The following SHANK2 variants were observed in gnomAD, a reference collection of about 807,000 sequenced individuals.
SHANK2 encodes the protein SH3 and multiple ankyrin repeat domains 2, also known as SH3 and multiple ankyrin repeat domains protein 2.
A neutral mutation model predicts 133.7 loss-of-function variants in SHANK2; 43 were observed. The observed-to-expected ratio is 0.32, with a 90% CI of 0.25 to 0.41. SHANK2 has a LOEUF of 0.41. SHANK2 is among the 10% of genes least tolerant of loss of function. The pLI is 1.00. For missense variants in SHANK2, 1,994 were observed against 2,235.8 expected (o/e 0.89, Z 2.18); for synonymous variants, 1,017 against 952.8 (o/e 1.07, Z -1.24).
At chr11:71,147,440 T>G (rs1952678253) in intron 2 of SHANK2, 102 bp from the exon 3 acceptor site, 1 of 882,512 alleles carries the variant, frequency 1.1e-6, no homozygotes, top group African/African-American at 1.7e-5. Context: ...GTGGGCTCGG[T>G]TTCACAGTCT....
At chr11:70,753,173 T>TAAAAAAAAAAAAAAA (rs201365664) in intron 14 of SHANK2, among the ~76,000 whole-genome samples, 1 of 121,616 alleles carries the variant, frequency 8.2e-6, no homozygotes. Flanking sequence ...ACAGAACTGT[T>TAAAAAAAAAAAAAAA]AAAAAAAAAA....
intron 12 of SHANK2, among the ~76,000 whole-genome samples, chr11:70,812,044 G>C (rs574006280): frequency 6.6e-6 from 1 of 152,362 alleles, no homozygotes; most frequent in Non-Finnish European, 1.5e-5. Context: ...TCTGCCAGGT[G>C]TTATGCAAAC....
At chr11:70,746,138 T>C (rs1946632212) in intron 14 of SHANK2, among the ~76,000 whole-genome samples, 1 of 152,216 alleles carries the variant, frequency 6.6e-6, no homozygotes, top group Admixed American at 6.5e-5. Flanking sequence ...AAGGTGACTC[T>C]GACACGGTCC....
intron 13 of SHANK2, among the ~76,000 whole-genome samples, chr11:70,805,525 C>T (rs1438107966): frequency 6.6e-6 from 1 of 152,234 alleles, no homozygotes; most frequent in African/African-American, 2.4e-5. Context: ...TGTCACCCGA[C>T]ATCTCAGGGC....
chr11:70,934,229 C>T (rs1205586603), intron 10 of SHANK2, among the ~76,000 whole-genome samples: 28 of 134,296 alleles, frequency 2.1e-4, no homozygotes, highest in African/African-American at 8.0e-4. Context: ...GGGACTGTGT[C>T]TCAACAACAA....
rs1266907449 is a variant in SHANK2, at chr11:70,662,113, G to T, written c.1854-435C>A. 3 of 397,218 alleles carry T rather than the reference G, an allele frequency of 7.6e-6. No homozygotes were observed. In the South Asian group the frequency reaches 7.8e-5, roughly 10 times the overall value. The allele number at this position is 397,218 out of a possible 1,614,324, so 24.6% of individuals were successfully genotyped here. Reference sequence around the variant, plus strand: ...CTCCTCCGGCTTGTCCCGACCACACGCATCTTCCAGGGAAGCCCGGGAAAA... The same window carrying T: ...CTCCTCCGGCTTGTCCCGACCACACTCATCTTCCAGGGAAGCCCGGGAAAA... On this transcript the variant is annotated intron_variant, in intron 15 of 25. Coordinates refer to ENST00000601538, the MANE Select transcript of SHANK2 (RefSeq NM_012309.5).
intron 6 of SHANK2, among the ~76,000 whole-genome samples, chr11:71,106,202 A>G (rs1951799948): frequency 6.6e-6 from 1 of 152,260 alleles, no homozygotes; most frequent in African/African-American, 2.4e-5. Context: ...GTTCTGCTTT[A>G]TAGAGAAATA....
intron 10 of SHANK2, among the ~76,000 whole-genome samples, chr11:70,953,004 G>A (rs2135904730): frequency 6.6e-6 from 1 of 152,130 alleles, no homozygotes; most frequent in Middle Eastern, 3.4e-3. Context: ...TCTGATCTCT[G>A]CCCCCATCCC....
At chr11:70,743,738 C>A (rs534151192) in intron 14 of SHANK2, among the ~76,000 whole-genome samples, 2 of 152,296 alleles carry the variant, frequency 1.3e-5, no homozygotes, top group African/African-American at 2.4e-5. Context: ...CTCCTCCAGG[C>A]GGGATCCTCA....
chr11:70,584,771 T>A (rs1355280876), intron 17 of SHANK2, among the ~76,000 whole-genome samples: 12 of 152,084 alleles, frequency 7.9e-5, no homozygotes, highest in African/African-American at 2.4e-4. Context: ...TTAGCAGCTG[T>A]CCCCCTGATC....
At chr11:71,120,555 C>G (rs1555101282) in intron 3 of SHANK2, among the ~76,000 whole-genome samples, 2 of 152,138 alleles carry the variant, frequency 1.3e-5, no homozygotes, top group East Asian at 1.9e-4. Context: ...TGCCAGGAAA[C>G]CTGACCCTGT....
Position 70,472,726 on chromosome 11 carries a change from ACTC to A in SHANK2, c.*140_*142del. 1.2e-6 allele frequency: 1 copy of A among 840,158 alleles called. No homozygotes were observed. The highest frequency in any genetic ancestry group is 1.9e-5 in the Admixed American group (1 of 53,314). 52.0% of individuals were successfully genotyped at this position (840,158 alleles called of 1,614,324 possible). On this transcript the variant is annotated 3_prime_UTR_variant, in exon 26 of 26. Coordinates refer to ENST00000601538, the MANE Select transcript of SHANK2 (RefSeq NM_012309.5). This position sits in a 1 kb window ranked among gnomAD's most constrained non-coding sequence, Gnocchi z 4.4. ...AAGACCCAGCCATGTTGTGGACACA[ACTC>A]AGTATTTCTTTGGGTACCAGGAGAC...
intron 1 of SHANK2, among the ~76,000 whole-genome samples, chr11:71,232,681 T>C (rs1285536639): frequency 6.6e-6 from 1 of 152,194 alleles, no homozygotes; most frequent in Admixed American, 6.5e-5. Context: ...CTTAGTAACA[T>C]GTTCTTTTCT....
intron 13 of SHANK2, among the ~76,000 whole-genome samples, chr11:70,800,953 T>C (rs976166704): frequency 9.2e-5 from 14 of 152,330 alleles, no homozygotes; most frequent in African/African-American, 1.9e-4. Flanking sequence ...TAGGTAGAGA[T>C]TGGTATCATC....
chr11:70,841,949 C>T (rs1157230918), intron 11 of SHANK2, among the ~76,000 whole-genome samples: 1 of 152,166 alleles, frequency 6.6e-6, no homozygotes, highest in Non-Finnish European at 1.5e-5. Flanking sequence ...CCATCCTTTA[C>T]ACACGGTCCT....
chr11:71,150,733 A>G (rs1952780338), intron 2 of SHANK2, among the ~76,000 whole-genome samples: 1 of 152,030 alleles, frequency 6.6e-6, no homozygotes, highest in East Asian at 1.9e-4. Flanking sequence ...ACCACCTAAC[A>G]CAATCCCTGC....
chr11:71,211,642 CAAAAAAA>C (rs35529960), intron 2 of SHANK2, among the ~76,000 whole-genome samples: 2 of 117,986 alleles, frequency 1.7e-5, no homozygotes, highest in African/African-American at 3.0e-5. Context: ...TGAGCATTTG[CAAAAAAA>C]AAAAAAAAAA....
intron 17 of SHANK2, among the ~76,000 whole-genome samples, chr11:70,556,381 C>CTCTT (rs201730104): frequency 2.1e-5 from 2 of 95,606 alleles, no homozygotes; most frequent in South Asian, 9.2e-4. Flanking sequence ...TTCTCTCTGT[C>CTCTT]TCTTTCTTTC....
intron 17 of SHANK2, chr11:70,633,517 C>A (rs2134101836): frequency 6.6e-6 from 1 of 152,276 alleles, no homozygotes; most frequent in South Asian, 2.1e-4. Context: ...ATTTATCTTG[C>A]CTTCTTGTAC....
Sources: allele counts gnomAD v4.1 joint callset (sites outside exome capture counted in the v4.1 genomes callset), GRCh38; gene constraint gnomAD v4.1.1; non-coding constraint Gnocchi (gnomAD v3.1); transcripts MANE v1.5; gene names NCBI Gene and HGNC (gene_info 2026-07-23, HGNC 2026-07-21).